LMNB1: variants seen among roughly 807,000 people sequenced by gnomAD.
The protein encoded by LMNB1 is lamin B1.
LMNB1 carries 23 observed loss-of-function variants against 67.1 expected under a neutral mutation model. The observed-to-expected ratio is 0.34, with a 90% CI of 0.25 to 0.49. The LOEUF is 0.49. Ranked by LOEUF, LMNB1 falls within the 20% of genes least tolerant of loss-of-function variation. The pLI is 0.99. For missense variants in LMNB1, 634 were observed against 746.5 expected, an observed-to-expected ratio of 0.85 and a Z score of 1.76; for synonymous variants, 281 against 282.9, an observed-to-expected ratio of 0.99 and a Z score of 0.07.
chr5:126,787,542 A>AT (rs1561735766), intron 1 of LMNB1, among the ~76,000 whole-genome samples: 8 of 68,278 alleles, frequency 1.2e-4, no homozygotes, highest in South Asian at 5.0e-4. Flanking sequence ...ATATATATAT[A>AT]TATATTTTTT....
At chr5:126,812,870 A>G (rs1265499902) in intron 5 of LMNB1, among the ~76,000 whole-genome samples, 1 of 151,984 alleles carries the variant, frequency 6.6e-6, no homozygotes, top group Non-Finnish European at 1.5e-5. Flanking sequence ...AGCTGGGACT[A>G]CAAGTGCGTG....
chr5:126,818,610 CAG>C (rs1261000363), intron 5 of LMNB1, among the ~76,000 whole-genome samples: 3 of 152,124 alleles, frequency 2.0e-5, no homozygotes, highest in Non-Finnish European at 2.9e-5. Flanking sequence ...GTAAGGGAGC[CAG>C]ACTTGACTTT....
chr5:126,785,004 G>A (rs1478593285), intron 1 of LMNB1, among the ~76,000 whole-genome samples: 1 of 149,902 alleles, frequency 6.7e-6, no homozygotes, highest in Non-Finnish European at 1.5e-5. Flanking sequence ...TTTTTGAGAC[G>A]GAGTCTTGCT....
intron 1 of LMNB1, among the ~76,000 whole-genome samples, chr5:126,780,917 A>G (rs1750618097): frequency 6.6e-6 from 1 of 152,164 alleles, no homozygotes; most frequent in African/African-American, 2.4e-5. Flanking sequence ...TAATCATAAT[A>G]TCTATCACAT....
intron 1 of LMNB1, among the ~76,000 whole-genome samples, chr5:126,788,584 C>T (rs887959031): frequency 1.4e-4 from 21 of 152,074 alleles, no homozygotes; most frequent in African/African-American, 4.6e-4. Context: ...TTGTAGTGGG[C>T]GGAGGTTGCA....
chr5:126,810,347 C>A lies in LMNB1; in HGVS notation c.810C>A (p.Ala270=). The A allele has an allele frequency of 6.3e-7, 1 of 1,599,130 alleles. No homozygotes were observed. Among genetic ancestry groups the A allele is most frequent in the South Asian group, 1.1e-5 (1 of 90,298 alleles). ...YKEELEQTYH[A]KLENARLSSE... is the part of the protein sequence containing the mutation. ...AGGAGCTGGAGCAGACTTACCATGC[C>A]AAAGTGAGCTCTCTTCAGAAGATTC... Residue 270 remains alanine (A), a synonymous_variant, in exon 4 of 11, where the codon GCC becomes GCA. Coordinates refer to ENST00000261366, the MANE Select transcript of LMNB1 (RefSeq NM_005573.4).
At chr5:126,795,645 A>G (rs1010472069) in intron 1 of LMNB1, among the ~76,000 whole-genome samples, 4 of 152,052 alleles carry the variant, frequency 2.6e-5, no homozygotes, top group Non-Finnish European at 5.9e-5. Flanking sequence ...TTTGTTTTAG[A>G]TGGAGCCTTG....
At chr5:126,835,571 G>T (rs1052442117) in intron 10 of LMNB1, among the ~76,000 whole-genome samples, 5 of 152,166 alleles carry the variant, frequency 3.3e-5, no homozygotes, top group Non-Finnish European at 7.4e-5. Flanking sequence ...ATCAAAAGAG[G>T]TTATTGAACA....
At chr5:126,826,133 A>G (rs1227871817) in intron 9 of LMNB1, 26 bp downstream of exon 9, 6 of 1,591,682 alleles carry the variant, frequency 3.8e-6, no homozygotes, top group South Asian at 2.3e-5. Context: ...CAGGACCACC[A>G]CAATGTTAAT....
rs759198953 is a variant in LMNB1 at position 126,832,733 on chromosome 5, C to T, written c.1651C>T (p.Pro551Ser). The change falls in exon 10 of 11, where the codon CCT becomes TCT. Residue 551 changes from proline to serine, a missense_variant. Physicochemically the swap from Pro to Ser is moderately conservative, Grantham distance 74. Transcript: ENST00000261366. ...QRSTVFKTTI[P>S]EEEEEEEEAA... ...AAGTACAGTCTTTAAAACAACCATA[C>T]CTGAAGAAGAGGAGGAGGAGGAAGA... The T allele has an allele frequency of 3.2e-5, 51 of 1,612,978 alleles. No individual in the cohort carries two copies. The highest frequency in any genetic ancestry group is 4.3e-5 in the Non-Finnish European group (51 of 1,179,352).
In LMNB1 at chr5:126,819,907, G is replaced by A. The variant is rs1751817398; in HGVS notation, c.1160+765G>A. Among the ~76,000 whole-genome samples the A allele has an allele frequency of 3.3e-5, 5 of 152,188 alleles. 1 individual carries two copies. The South Asian group carries it at 1.0e-3, about 31-fold the overall frequency. ...TGCCTGTAATCCCGGCACTTTGGGAGGCCAAGGCAGGCGGATCACATGAGG... is the reference window on the plus strand; with the variant it reads ...TGCCTGTAATCCCGGCACTTTGGGAAGCCAAGGCAGGCGGATCACATGAGG... On this transcript the variant is annotated intron_variant, in intron 6 of 10. Coordinates refer to ENST00000261366, the MANE Select transcript of LMNB1 (RefSeq NM_005573.4).
rs937269912 is a variant in LMNB1, at chr5:126,795,105, G to A, written c.360-9671G>A. 4.9e-4 allele frequency among the ~76,000 whole-genome samples: 70 copies of A among 144,254 alleles called. 1 individual carries two copies. The highest frequency in any genetic ancestry group is 3.7e-4 in the Non-Finnish European group (24 of 65,686). The allele number at this position is 144,254 out of a possible 152,430, so 94.6% of individuals were successfully genotyped here. A position where few individuals can be genotyped will look rare whatever the true frequency, so the allele number is the denominator to read the frequency against. On this transcript the variant is annotated intron_variant, in intron 1 of 10. Transcript: ENST00000261366. The stretch of plus-strand genomic sequence containing the variant: ...CTTATTTTTTCAAGTGTTTATGGTT[G>A]GAATATGCTAACTAATTCCTTTTCC...
chr5:126,836,703 T>G lies in LMNB1; in HGVS notation c.*439T>G, dbSNP rs943150493. 1.3e-5 allele frequency: 5 copies of G among 388,034 alleles called. No individual in the cohort carries two copies. Among genetic ancestry groups the G allele is most frequent in the Admixed American group, 8.9e-5 (2 of 22,422 alleles). 24.0% of individuals were successfully genotyped at this position (388,034 alleles called of 1,614,324 possible). A position where few individuals can be genotyped will look rare whatever the true frequency, so the allele number is the denominator to read the frequency against. ...CTGTGAGGGAGGGGAAAAGCATTTTTCAATATATTGAACTTTTGTACTGAA... is the reference window on the plus strand; with the variant it reads ...CTGTGAGGGAGGGGAAAAGCATTTTGCAATATATTGAACTTTTGTACTGAA... On this transcript the variant is annotated 3_prime_UTR_variant, in exon 11 of 11. Transcript: ENST00000261366.
rs561443689 is a variant in LMNB1, at chr5:126,780,276, T to G, written c.359+2409T>G. Among the ~76,000 whole-genome samples, 7 of 152,290 alleles carry G rather than the reference T, an allele frequency of 4.6e-5. No individual in the cohort carries two copies. The South Asian group carries it at 1.4e-3, about 32-fold the overall frequency. ...GGATATGAAGATTTTTTTAAAAAAA[T>G]GAATTACTGTTCTTTGTTGCTGAGA... On this transcript the variant is annotated intron_variant, in intron 1 of 10. Coordinates refer to ENST00000261366, the MANE Select transcript of LMNB1 (RefSeq NM_005573.4).
rs560505821 is a variant in LMNB1, at chr5:126,799,179, C to T, written c.360-5597C>T. Reference sequence around the variant, plus strand: ...GACTACAGGCGCCCGCCACCTCGCCCGGCTAATTTTTTGTATTTTTAGTAG... The same window carrying T: ...GACTACAGGCGCCCGCCACCTCGCCTGGCTAATTTTTTGTATTTTTAGTAG... On this transcript the variant is annotated intron_variant, in intron 1 of 10. Transcript: ENST00000261366. 6.2e-3 allele frequency among the ~76,000 whole-genome samples: 948 copies of T among 152,210 alleles called. 10 individuals are homozygous for T. Among genetic ancestry groups the T allele is most frequent in the Non-Finnish European group, 7.5e-3 (511 of 67,996 alleles).
chr5:126,830,412 C>G (rs984795663), intron 9 of LMNB1, among the ~76,000 whole-genome samples: 5 of 152,204 alleles, frequency 3.3e-5, no homozygotes, highest in Non-Finnish European at 7.4e-5. Context: ...ATAACAATTT[C>G]CTTGATCTAA....
chr5:126,780,089 G>A (rs1407094815), intron 1 of LMNB1, among the ~76,000 whole-genome samples: 3 of 152,080 alleles, frequency 2.0e-5, no homozygotes, highest in African/African-American at 7.2e-5. Flanking sequence ...CTACTGGGGA[G>A]GCTGAGGCAG....
chr5:126,796,913 C>T (rs1033091411), intron 1 of LMNB1, among the ~76,000 whole-genome samples: 49 of 151,922 alleles, frequency 3.2e-4, no homozygotes, highest in African/African-American at 4.1e-4. Context: ...CTCAGCCTCC[C>T]GAGTAGCTGG....
chr5:126,825,969 A>T lies in LMNB1; in HGVS notation c.1492-19A>T. 1.2e-6 allele frequency: 2 copies of T among 1,613,178 alleles called. No individual in the cohort carries two copies. Among genetic ancestry groups the T allele is most frequent in the African/African-American group, 2.7e-5 (2 of 74,980 alleles). On this transcript the variant is annotated intron_variant, in intron 8 of 10. Transcript: ENST00000261366. ...AGAACTGGGTTCTGGGTGTACTGAC[A>T]TGCTTTGGTTTTTTACAGATTTGGG...
Sources: gnomAD v4.1 joint callset for allele counts (sites outside exome capture counted in the v4.1 genomes callset) on GRCh38, gnomAD v4.1.1 for gene constraint, MANE v1.5 for transcripts, NCBI Gene and HGNC (gene_info 2026-07-23, HGNC 2026-07-21) for gene names.